The following TRPC5 variants were observed in gnomAD, a reference collection of about 807,000 sequenced individuals.
The protein encoded by TRPC5 is transient receptor potential cation channel subfamily C member 5.
A neutral mutation model predicts 56.5 loss-of-function variants in TRPC5; 9 were observed. The ratio of observed to expected loss-of-function variants is 0.16; its 90% CI spans 0.10 to 0.28. TRPC5 has a LOEUF of 0.28. Ranked by LOEUF, TRPC5 falls within the 10% of genes least tolerant of loss-of-function variation. The pLI, the probability that TRPC5 is intolerant of heterozygous loss-of-function variation, is 1.00. For synonymous variants in TRPC5, 282 were observed against 278.5 expected, an observed-to-expected ratio of 1.01 and a Z score of -0.13; for missense variants, 469 against 748.9, an observed-to-expected ratio of 0.63 and a Z score of 4.36.
intron 1 of TRPC5, among the ~76,000 whole-genome samples, chrX:112,072,735 G>C (rs1427329077): frequency 4.5e-5 from 5 of 111,771 alleles, no homozygotes; most frequent in African/African-American, 1.6e-4. Context: ...CTTGAGTTTA[G>C]CTATGTGGGT....
At chrX:111,942,167 G>A (rs749893820) in intron 2 of TRPC5, among the ~76,000 whole-genome samples, 1 of 110,959 alleles carries the variant, frequency 9.0e-6, no homozygotes, top group East Asian at 2.8e-4. Context: ...TTTAATTGTT[G>A]TTTTCGTACT....
At chrX:112,010,621 A>G (rs1385681217) in intron 1 of TRPC5, among the ~76,000 whole-genome samples, 6 of 111,612 alleles carry the variant, frequency 5.4e-5, no homozygotes, top group Non-Finnish European at 1.9e-5. Flanking sequence ...TCTAACACAC[A>G]ATATCATTTA....
At chrX:111,885,505 C>T (rs923944875) in intron 3 of TRPC5, among the ~76,000 whole-genome samples, 1 of 109,446 alleles carries the variant, frequency 9.1e-6, no homozygotes, top group Non-Finnish European at 1.9e-5. Flanking sequence ...CCCCTTATTC[C>T]TGGAAAATCA....
chrX:111,916,095 A>G, intron 2 of TRPC5, among the ~76,000 whole-genome samples: 1 of 111,248 alleles, frequency 9.0e-6, no homozygotes, highest in Admixed American at 9.5e-5. Context: ...ACTGCACTCC[A>G]TCCAGCCTGG....
rs902436548 is a variant in TRPC5, at chrX:111,770,030, CTACTT to C, written c.*6278_*6282del. Among the ~76,000 whole-genome samples the C allele has an allele frequency of 5.4e-5, 6 of 111,342 alleles. 1 individual carries two copies. Among genetic ancestry groups the C allele is most frequent in the Admixed American group, 2.9e-4 (3 of 10,443 alleles). On this transcript the variant is annotated 3_prime_UTR_variant, in exon 11 of 11. Coordinates refer to ENST00000262839, the MANE Select transcript of TRPC5 (RefSeq NM_012471.3). ...ATATGGGTATGGCTTTTTAAGGTGA[CTACTT>C]TAAAGGACCACGTTCATTTGGGTGC...
intron 1 of TRPC5, among the ~76,000 whole-genome samples, chrX:111,988,683 G>A (rs191704463): frequency 2.7e-5 from 3 of 110,660 alleles, no homozygotes; most frequent in Admixed American, 9.7e-5. Context: ...ATATATATTC[G>A]CTAAATAAAT....
chrX:111,886,153 G>A (rs1042057200), intron 3 of TRPC5, among the ~76,000 whole-genome samples: 10 of 111,673 alleles, frequency 9.0e-5, no homozygotes, highest in African/African-American at 3.3e-4. Flanking sequence ...GGTGGTGGGC[G>A]CCTGTAATCC....
At chrX:111,941,877 A>G (rs1462059111) in intron 2 of TRPC5, among the ~76,000 whole-genome samples, 1 of 112,189 alleles carries the variant, frequency 8.9e-6, no homozygotes, top group Non-Finnish European at 1.9e-5. Flanking sequence ...AACTGGGCTC[A>G]GTGTCTGTGA....
chrX:111,997,244 TC>T lies in TRPC5; in HGVS notation c.-21-44804del, dbSNP rs1252904169. ...GCTTGTCTGTAAAGGACTTTATTTC[TC>T]CTTCACTTATGAAGCTTAGTTTGGC... On this transcript the variant is annotated intron_variant, in intron 1 of 10. Coordinates refer to ENST00000262839, the MANE Select transcript of TRPC5 (RefSeq NM_012471.3). Among the ~76,000 whole-genome samples the T allele has an allele frequency of 3.6e-5, 4 of 111,742 alleles. No homozygotes were observed. In the East Asian group the frequency reaches 8.5e-4, roughly 24 times the overall value.
At chrX:111,941,540 A>G (rs993798166) in intron 2 of TRPC5, among the ~76,000 whole-genome samples, 1 of 111,932 alleles carries the variant, frequency 8.9e-6, no homozygotes, top group Non-Finnish European at 1.9e-5. Context: ...TGGCATTTCC[A>G]CCAGTCGTGG....
chrX:111,988,952 A>G (rs940817539), intron 1 of TRPC5, among the ~76,000 whole-genome samples: 5 of 112,045 alleles, frequency 4.5e-5, no homozygotes, highest in African/African-American at 1.6e-4. Flanking sequence ...CTTGTTTCCT[A>G]ATATGGAAAG....
chrX:111,776,635 A>C lies in TRPC5; in HGVS notation c.2600T>G (p.Ile867Ser). The C allele has an allele frequency of 8.3e-7, 1 of 1,211,814 alleles. No individual in the cohort carries two copies. Among genetic ancestry groups the C allele is most frequent in the Admixed American group, 2.2e-5 (1 of 46,010 alleles). Reference sequence around the variant, plus strand: ...GTGCTGCTGAACAATTCCATCAGAAATTGTGTACATTGGCTCTGAACTGGG... The same window carrying C: ...GTGCTGCTGAACAATTCCATCAGAACTTGTGTACATTGGCTCTGAACTGGG... ...SEPSSEPMYT[I>S]SDGIVQQHCM... The change falls in exon 11 of 11, where the codon ATT (isoleucine) becomes AGT (serine). Residue 867 changes from isoleucine to serine, a missense_variant. Around this residue, in one of 3 missense-constraint regions of TRPC5, gnomAD observed 194 missense variants for 221.8 expected, o/e 0.87. Coordinates refer to ENST00000262839, the MANE Select transcript of TRPC5 (RefSeq NM_012471.3).
At chrX:111,873,831 A>T (rs1335562039) in intron 3 of TRPC5, among the ~76,000 whole-genome samples, 1 of 111,166 alleles carries the variant, frequency 9.0e-6, no homozygotes, top group Non-Finnish European at 1.9e-5. Context: ...CAAAAAAAAA[A>T]CTTGCTCAAA....
intron 2 of TRPC5, among the ~76,000 whole-genome samples, chrX:111,941,131 CTA>C (rs1256408757): frequency 8.9e-6 from 1 of 112,170 alleles, no homozygotes; most frequent in Non-Finnish European, 1.9e-5. Context: ...ATATGTTTAG[CTA>C]ATCCATTCAG....
Position 111,945,165 on chromosome X carries a change from C to T in TRPC5, c.378+6878G>A, listed in dbSNP as rs142902298. Among the ~76,000 whole-genome samples the T allele has an allele frequency of 1.5e-4, 16 of 109,501 alleles. No homozygotes were observed. The East Asian group carries it at 2.6e-3, about 18-fold the overall frequency. On this transcript the variant is annotated intron_variant, in intron 2 of 10. Coordinates refer to ENST00000262839, the MANE Select transcript of TRPC5 (RefSeq NM_012471.3). Reference sequence around the variant, plus strand: ...AGAGCTGGTTTTGAGCATACACAGACGCGAGTCTCCTCTCTGAATTGCGGT... The same window carrying T: ...AGAGCTGGTTTTGAGCATACACAGATGCGAGTCTCCTCTCTGAATTGCGGT...
At chrX:111,802,821 C>A (rs1479037989) in intron 7 of TRPC5, among the ~76,000 whole-genome samples, 2 of 111,532 alleles carry the variant, frequency 1.8e-5, no homozygotes, top group Non-Finnish European at 1.9e-5. Flanking sequence ...CATAGCAAGC[C>A]TGCATGTTAT....
intron 1 of TRPC5, among the ~76,000 whole-genome samples, chrX:111,966,077 G>T: frequency 9.0e-6 from 1 of 111,418 alleles, no homozygotes; most frequent in East Asian, 2.8e-4. Flanking sequence ...TTGATAGACT[G>T]CTAGCAAGAC....
intron 1 of TRPC5, among the ~76,000 whole-genome samples, chrX:111,964,934 C>T (rs981507622): frequency 4.5e-5 from 5 of 111,499 alleles, no homozygotes; most frequent in East Asian, 2.8e-4. Context: ...CAAAATAACC[C>T]GCTAACATCA....
intron 7 of TRPC5, among the ~76,000 whole-genome samples, chrX:111,797,631 T>C (rs1390174395): frequency 8.9e-6 from 1 of 112,251 alleles, no homozygotes; most frequent in Non-Finnish European, 1.9e-5. Context: ...TGTTTAAAAA[T>C]ATTTGGATAA....
Sources: allele counts gnomAD v4.1 joint callset (sites outside exome capture counted in the v4.1 genomes callset), GRCh38; gene constraint gnomAD v4.1.1; regional missense constraint gnomAD v4.1.1; transcripts MANE v1.5; gene names NCBI Gene and HGNC (gene_info 2026-07-23, HGNC 2026-07-21).